The following EVA1C variants were observed in gnomAD, a reference collection of about 807,000 sequenced individuals.
The protein encoded by EVA1C is protein eva-1 homolog C.
In EVA1C, 25 loss-of-function variants were observed where a neutral mutation model predicts 45.4. The ratio of observed to expected loss-of-function variants is 0.55; its 90% CI spans 0.40 to 0.77. The LOEUF is 0.77. EVA1C is among the 30% of genes least tolerant of loss of function. The probability of loss-of-function intolerance (pLI) is 0.00; values close to 1 mark genes in which losing one functional copy is unlikely to be tolerated. For missense variants in EVA1C, 479 were observed against 554.8 expected, an observed-to-expected ratio of 0.86 and a Z score of 1.37; for synonymous variants, 190 against 221.2, an observed-to-expected ratio of 0.86 and a Z score of 1.25.
chr21:32,479,847 C>CTTTTTTTT (rs111331782), intron 4 of EVA1C, among the ~76,000 whole-genome samples: 1 of 146,706 alleles, frequency 6.8e-6, no homozygotes. Context: ...CCCAGCTACT[C>CTTTTTTTT]TTTTTTTTTT....
intron 1 of EVA1C, among the ~76,000 whole-genome samples, chr21:32,430,207 T>C (rs554070722): frequency 2.7e-4 from 41 of 152,170 alleles, no homozygotes; most frequent in Non-Finnish European, 4.9e-4. Context: ...ACATGGGAGC[T>C]TGGCCTCTCC....
intron 7 of EVA1C, among the ~76,000 whole-genome samples, chr21:32,505,340 T>C (rs2037691694): frequency 6.6e-6 from 1 of 152,326 alleles, no homozygotes; most frequent in Non-Finnish European, 1.5e-5. Context: ...TGTCTTGCTG[T>C]TCCTGATCAT....
Position 32,514,822 on chromosome 21 carries a change from G to A in EVA1C, c.958G>A (p.Glu320Lys), listed in dbSNP as rs1400537450. The change falls in exon 8 of 8, where the codon GAG (glutamate) becomes AAG (lysine). Residue 320 changes from glutamate (E) to lysine (K), a missense_variant. Physicochemically the swap from Glu to Lys is moderately conservative, Grantham distance 56. This residue lies in a region of EVA1C where 366 missense variants were observed against 426.1 expected (regional missense o/e 0.86). Coordinates refer to ENST00000300255, the MANE Select transcript of EVA1C (RefSeq NM_058187.5). Reference sequence around the variant, plus strand: ...TTCTCTTCCTCCTGCAGCCCACCCGGAGAGAGCTGCCCTGCTGTTCGTGTC... The same window carrying A: ...TTCTCTTCCTCCTGCAGCCCACCCGAAGAGAGCTGCCCTGCTGTTCGTGTC... ...AAFAYIRAHP[E>K]RAALLFVSSV... is the part of the protein sequence containing the mutation. The A allele has an allele frequency of 6.4e-7, 1 of 1,560,914 alleles. No homozygotes were observed. The highest frequency in any genetic ancestry group is 8.7e-7 in the Non-Finnish European group (1 of 1,151,432).
chr21:32,437,185 T>C (rs773191813), intron 1 of EVA1C, among the ~76,000 whole-genome samples: 172 of 142,342 alleles, frequency 1.2e-3, no homozygotes, highest in African/African-American at 4.2e-3. Flanking sequence ...AAAACAAACA[T>C]AGATTCAAAC....
chr21:32,446,042 G>A (rs1246581618), intron 1 of EVA1C, among the ~76,000 whole-genome samples: 4 of 151,994 alleles, frequency 2.6e-5, no homozygotes, highest in African/African-American at 4.8e-5. Context: ...TCAGGAGTTC[G>A]AGACCAGCCT....
chr21:32,488,587 C>CAA lies in EVA1C; in HGVS notation c.635-6440_635-6439insAA, dbSNP rs34049195. Among the ~76,000 whole-genome samples, 10 of 148,106 alleles carry CAA rather than the reference C, an allele frequency of 6.8e-5. No individual in the cohort carries two copies. In the East Asian group the frequency reaches 2.0e-3, roughly 29 times the overall value. ...GGCACCTTTCCATATAGCTGTTGGC[C>CAA]TTTTTTTTTTTTTCTTGAGATGGAG... On this transcript the variant is annotated intron_variant, in intron 4 of 7. Transcript: ENST00000300255.
At chr21:32,455,954 G>A (rs1003882861) in intron 2 of EVA1C, among the ~76,000 whole-genome samples, 1 of 152,070 alleles carries the variant, frequency 6.6e-6, no homozygotes, top group African/African-American at 2.4e-5. Context: ...GTGCAATGGC[G>A]CAATCTCGGC....
In EVA1C at chr21:32,512,280, G is replaced by GCTA. The variant is rs145746088; in HGVS notation, c.950-2533_950-2531dup. Among the ~76,000 whole-genome samples the GCTA allele has an allele frequency of 3.1e-3, 466 of 152,236 alleles. 5 individuals are homozygous for GCTA. Among genetic ancestry groups the GCTA allele is most frequent in the African/African-American group, 0.01 (424 of 41,544 alleles). ...AGTAATTCGTTAGACATAAAGTAGG[G>GCTA]CTATGTATTGACCAATGAAGAGAAT... On this transcript the variant is annotated intron_variant, in intron 7 of 7. Coordinates refer to ENST00000300255, the MANE Select transcript of EVA1C (RefSeq NM_058187.5).
rs2038097155 is a variant in EVA1C, at chr21:32,515,121, C to T, written c.1257C>T (p.Ile419=). 6.2e-7 allele frequency: 1 copy of T among 1,613,696 alleles called. No individual in the cohort carries two copies. Among genetic ancestry groups the T allele is most frequent in the South Asian group, 1.1e-5 (1 of 91,058 alleles). The change falls in exon 8 of 8, where the codon ATC becomes ATT. Residue 419 remains isoleucine, a synonymous_variant. Coordinates refer to ENST00000300255, the MANE Select transcript of EVA1C (RefSeq NM_058187.5). ...LAERIERREQ[I]IQEIWMNSGL... ...AAAGGATTGAGCGCAGGGAGCAAAT[C>T]ATTCAGGAAATATGGATGAACAGTG...
At chr21:32,496,337 T>C (rs991570079) in intron 5 of EVA1C, among the ~76,000 whole-genome samples, 3 of 152,268 alleles carry the variant, frequency 2.0e-5, no homozygotes, top group Non-Finnish European at 2.9e-5. Context: ...GTACTTTATT[T>C]CTTTTTGTGG....
At chr21:32,499,064 C>A (rs573183991) in intron 5 of EVA1C, among the ~76,000 whole-genome samples, 19 of 152,186 alleles carry the variant, frequency 1.2e-4, no homozygotes, top group African/African-American at 4.6e-4. Context: ...CTTTTCACTG[C>A]CTGGTTATTC....
intron 7 of EVA1C, among the ~76,000 whole-genome samples, chr21:32,509,120 G>T (rs2037865832): frequency 6.6e-6 from 1 of 152,250 alleles, no homozygotes; most frequent in South Asian, 2.1e-4. Context: ...CCTGGCCTGA[G>T]CTTGGGGTCC....
At position 32,501,409 on chromosome 21, in the gene EVA1C, T is replaced by C; in HGVS notation, c.779-6T>C. The C allele has an allele frequency of 6.3e-7, 1 of 1,584,048 alleles. No homozygotes were observed. The highest frequency in any genetic ancestry group is 8.5e-7 in the Non-Finnish European group (1 of 1,175,836). On this transcript the variant is annotated splice_region_variant and splice_polypyrimidine_tract_variant and intron_variant, in intron 5 of 7. Transcript: ENST00000300255. ...GAATTTAAAATATTTCTTTTTTGGC[T>C]TTTAGTTCCCAAGAACATACTCACA...
At chr21:32,493,907 C>A (rs2037253949) in intron 4 of EVA1C, 1 of 152,136 alleles carries the variant, frequency 6.6e-6, no homozygotes, top group Non-Finnish European at 1.5e-5. Flanking sequence ...TGAAGCAATT[C>A]TTGTGCCTCA....
chr21:32,416,024 T>G (rs2034023205), intron 1 of EVA1C, among the ~76,000 whole-genome samples: 1 of 152,222 alleles, frequency 6.6e-6, no homozygotes. Context: ...ATGCCCATAG[T>G]TCTTTGTTCA....
intron 1 of EVA1C, among the ~76,000 whole-genome samples, chr21:32,434,082 G>T: frequency 6.6e-6 from 1 of 151,872 alleles, no homozygotes; most frequent in Non-Finnish European, 1.5e-5. Flanking sequence ...ATCATTTGAG[G>T]TCAGGAGTTC....
intron 3 of EVA1C, among the ~76,000 whole-genome samples, chr21:32,458,752 A>G (rs576739790): frequency 9.1e-4 from 139 of 152,050 alleles, no homozygotes; most frequent in Non-Finnish European, 1.7e-3. Flanking sequence ...AAGTGCTGGG[A>G]TTACAGGCAT....
intron 7 of EVA1C, among the ~76,000 whole-genome samples, chr21:32,509,637 C>T (rs1262654651): frequency 6.6e-6 from 1 of 152,246 alleles, no homozygotes; most frequent in East Asian, 1.9e-4. Context: ...CAGCCCCTGC[C>T]CTCAGGAAGC....
chr21:32,432,347 A>G (rs1367757921), intron 1 of EVA1C, among the ~76,000 whole-genome samples: 1 of 152,124 alleles, frequency 6.6e-6, no homozygotes, highest in African/African-American at 2.4e-5. Flanking sequence ...TTCCGTAGCC[A>G]TTTATCTAAC....
Sources: allele counts gnomAD v4.1 joint callset (sites outside exome capture counted in the v4.1 genomes callset), GRCh38; gene constraint gnomAD v4.1.1; regional missense constraint gnomAD v4.1.1; transcripts MANE v1.5; gene names NCBI Gene and HGNC (gene_info 2026-07-23, HGNC 2026-07-21).